The following NAA16 variants were observed in gnomAD, a reference collection of about 807,000 sequenced individuals.
NAA16 encodes the protein NARG1-like protein.
In NAA16, 97 loss-of-function variants were observed where a neutral mutation model predicts 110.3. The ratio of observed to expected loss-of-function variants is 0.88; its 90% CI spans 0.75 to 1.04. The LOEUF (loss-of-function observed/expected upper bound fraction) is 1.04. Ranked by LOEUF, NAA16 falls within the 50% of genes least tolerant of loss-of-function variation. NAA16 has a pLI of 0.00. For missense variants in NAA16, 1,017 were observed against 1,005.1 expected (o/e 1.01, Z -0.16); for synonymous variants, 372 against 330.6 (o/e 1.13, Z -1.36).
intron 6 of NAA16, among the ~76,000 whole-genome samples, chr13:41,327,497 T>C (rs1388008604): frequency 1.3e-5 from 2 of 152,082 alleles, no homozygotes; most frequent in Non-Finnish European, 2.9e-5. Context: ...TAGGTTAGAT[T>C]ATTTAATCTT....
intron 9 of NAA16, among the ~76,000 whole-genome samples, chr13:41,346,472 C>T (rs2042683325): frequency 6.6e-6 from 1 of 152,214 alleles, no homozygotes; most frequent in South Asian, 2.1e-4. Flanking sequence ...GCATGCTGTG[C>T]CATGCCATGC....
chr13:41,323,233 G>C (rs2041993345), intron 5 of NAA16, 43 bp downstream of exon 5: 1 of 1,588,718 alleles, frequency 6.3e-7, no homozygotes, highest in Non-Finnish European at 8.6e-7. Context: ...AAATGGAGTA[G>C]TTGACTTCTA....
At chr13:41,366,396 A>G (rs181163386) in intron 13 of NAA16, among the ~76,000 whole-genome samples, 2 of 152,352 alleles carry the variant, frequency 1.3e-5, no homozygotes, top group African/African-American at 4.8e-5. Context: ...ATGAACTAGT[A>G]GGAAAGCTTG....
At chr13:41,314,645 G>C (rs923780461) in intron 1 of NAA16, among the ~76,000 whole-genome samples, 1 of 152,144 alleles carries the variant, frequency 6.6e-6, no homozygotes, top group South Asian at 2.1e-4. Flanking sequence ...TTAGTAGGCT[G>C]TATTTATGGA....
chr13:41,370,566 A>G (rs1460075196), intron 15 of NAA16, among the ~76,000 whole-genome samples: 2 of 152,218 alleles, frequency 1.3e-5, no homozygotes, highest in Non-Finnish European at 2.9e-5. Flanking sequence ...GTTTTACAAC[A>G]AGAAGGCTTG....
rs140564759 is a variant in NAA16 at position 41,311,537 on chromosome 13, C to G, written c.9C>G (p.Asn3Lys). The G allele has an allele frequency of 1.2e-6, 2 of 1,605,682 alleles. No individual in the cohort carries two copies. Among genetic ancestry groups the G allele is most frequent in the African/African-American group, 2.7e-5 (2 of 74,786 alleles). MP[N>K]VLLPPKESNL... ...CCTCCCTGCCGGCCACGATGCCGAA[C>G]GTGCTGCTGCCGCCCAAGGAGAGCA... is the stretch of plus-strand genomic sequence containing the variant. The change falls in exon 1 of 20, where the codon AAC becomes AAG. Residue 3 changes from asparagine (N) to lysine (K), a missense_variant. Asn to Lys is a moderately conservative substitution (Grantham distance 94). Coordinates refer to ENST00000379406, the MANE Select transcript of NAA16 (RefSeq NM_024561.5).
intron 4 of NAA16, 34 bp from the exon 5 acceptor site, chr13:41,323,022 G>C (rs201932146): frequency 1.3e-4 from 205 of 1,592,580 alleles, no homozygotes; most frequent in Non-Finnish European, 1.7e-4. Context: ...TAATGTTTTA[G>C]AGAATATTTA....
rs2043310410 is a variant in NAA16 at position 41,371,237 on chromosome 13, G to A, written c.1948-966G>A. 2.6e-5 allele frequency among the ~76,000 whole-genome samples: 4 copies of A among 152,078 alleles called. No homozygotes were observed. In the South Asian group the frequency reaches 8.3e-4, roughly 32 times the overall value. On this transcript the variant is annotated intron_variant, in intron 15 of 19. Transcript: ENST00000379406. ...GAAGCAGTAGTGCCAGAAAACAGAT[G>A]GACATTAGACATTCTGGCAGAAGGG...
chr13:41,336,609 T>A (rs2042387614), intron 8 of NAA16, 41 bp from the exon 9 acceptor site: 3 of 1,192,018 alleles, frequency 2.5e-6, no homozygotes, highest in Non-Finnish European at 2.4e-6. Context: ...AAGAATTGTT[T>A]GCGTGAACCA....
At chr13:41,336,871 CCTTA>C (rs1466140179) in intron 9 of NAA16, 115 bp downstream of exon 9, 4 of 556,574 alleles carry the variant, frequency 7.2e-6, no homozygotes, top group Admixed American at 7.6e-5. Context: ...AGTAATGTTA[CCTTA>C]CTTTCAGTCA....
Position 41,358,922 on chromosome 13 carries a change from T to C in NAA16, c.1370T>C (p.Met457Thr), listed in dbSNP as rs1430603758. 10 of 1,610,718 alleles carry C rather than the reference T, an allele frequency of 6.2e-6. No individual in the cohort carries two copies. Among genetic ancestry groups the C allele is most frequent in the Non-Finnish European group, 7.6e-6 (9 of 1,177,794 alleles). ...KCAKYMLRANMIKEAEEMCSK... is the reference protein window; with the variant it reads ...KCAKYMLRANTIKEAEEMCSK... ...GCAAAATACATGCTTCGAGCAAATA[T>C]GATAAAAGAAGCAGAGGAAATGTGC... The change falls in exon 12 of 20, where the codon ATG becomes ACG. Residue 457 changes from methionine (M) to threonine (T), a missense_variant. Coordinates refer to ENST00000379406, the MANE Select transcript of NAA16 (RefSeq NM_024561.5).
intron 1 of NAA16, 91 bp downstream of exon 1, chr13:41,311,673 G>C: frequency 1.6e-6 from 2 of 1,212,902 alleles, no homozygotes; most frequent in East Asian, 2.7e-5. Context: ...GCGCGGGCCA[G>C]GCTTGGCCTC....
intron 1 of NAA16, among the ~76,000 whole-genome samples, chr13:41,314,797 C>CCAACATAG (rs201357075): frequency 0.052 from 7,920 of 151,972 alleles, 272 homozygotes; most frequent in Non-Finnish European, 0.073. Flanking sequence ...GAGCAAAAGA[C>CCAACATAG]CAACATAGTG....
Position 41,312,119 on chromosome 13 carries a change from C to T in NAA16, c.54+537C>T, listed in dbSNP as rs143773052. Among the ~76,000 whole-genome samples the T allele has an allele frequency of 4.5e-3, 687 of 152,350 alleles. 8 individuals are homozygous for T. The highest frequency in any genetic ancestry group is 0.016 in the African/African-American group (653 of 41,580). On this transcript the variant is annotated intron_variant, in intron 1 of 19. Coordinates refer to ENST00000379406, the MANE Select transcript of NAA16 (RefSeq NM_024561.5). ...AACCGGCAACTTTAGGAAGCCAGGC[C>T]TGGCACCACCTCCCTTTGGGAAAAA... is the stretch of plus-strand genomic sequence containing the variant.
At chr13:41,340,647 G>GTTTTT (rs754237653) in intron 9 of NAA16, among the ~76,000 whole-genome samples, 2 of 43,598 alleles carry the variant, frequency 4.6e-5, no homozygotes, top group Non-Finnish European at 9.0e-5. Flanking sequence ...TTTTGAGTGA[G>GTTTTT]TTTTTTTTTT....
rs766967414 is a variant in NAA16, at chr13:41,372,226, C to T, written c.1971C>T (p.Ala657=). The T allele has an allele frequency of 1.0e-5, 16 of 1,576,826 alleles. No individual in the cohort carries two copies. The highest frequency in any genetic ancestry group is 1.7e-4 in the Middle Eastern group (1 of 5,912). The change falls in exon 16 of 20, where the codon GCC becomes GCT. Residue 657 remains alanine (A), a synonymous_variant. Coordinates refer to ENST00000379406, the MANE Select transcript of NAA16 (RefSeq NM_024561.5). ...AGGTAGAAAATCCATTAGAGGAAGC[C>T]GTTAAGTTCCTTATACCTCTTAAGA... The part of the protein sequence containing the change: ...LERVENPLEE[A]VKFLIPLKNL...
chr13:41,331,932 G>A (rs2042250420), intron 8 of NAA16, among the ~76,000 whole-genome samples: 2 of 152,118 alleles, frequency 1.3e-5, no homozygotes, highest in South Asian at 4.1e-4. Flanking sequence ...ATATGTATTG[G>A]TAGAAAAACT....
At chr13:41,336,221 A>T (rs981898183) in intron 8 of NAA16, among the ~76,000 whole-genome samples, 2 of 152,098 alleles carry the variant, frequency 1.3e-5, no homozygotes, top group Non-Finnish European at 2.9e-5. Flanking sequence ...TACCTAGAAC[A>T]GTACCTGGCA....
chr13:41,328,783 A>G lies in NAA16; in HGVS notation c.751A>G (p.Ile251Val), dbSNP rs1488841986. The change falls in exon 7 of 20, where the codon ATT becomes GTT. Residue 251 changes from isoleucine (I) to valine (V), a missense_variant. Ile to Val is a conservative substitution (Grantham distance 29). Transcript: ENST00000379406. ...AGCCAGTGAAGTGTTCAAAAACTTGATTGATCGAAATGCAGAAAATTGGTG... is the reference window on the plus strand; with the variant it reads ...AGCCAGTGAAGTGTTCAAAAACTTGGTTGATCGAAATGCAGAAAATTGGTG... ...KEASEVFKNLIDRNAENWCYY... is the reference protein window; with the variant it reads ...KEASEVFKNLVDRNAENWCYY... 6.2e-7 allele frequency: 1 copy of G among 1,607,140 alleles called. No individual in the cohort carries two copies. The highest frequency in any genetic ancestry group is 8.5e-7 in the Non-Finnish European group (1 of 1,174,178).
Sources: allele counts gnomAD v4.1 joint callset (sites outside exome capture counted in the v4.1 genomes callset), GRCh38; gene constraint gnomAD v4.1.1; transcripts MANE v1.5; gene names NCBI Gene and HGNC (gene_info 2026-07-23, HGNC 2026-07-21).